The following HAUS7 variants were observed in gnomAD, a reference collection of about 807,000 sequenced individuals.
HAUS7 encodes the protein HAUS augmin-like complex subunit 7.
In HAUS7, 3 loss-of-function variants were observed where a neutral mutation model predicts 28.4. The observed-to-expected ratio is 0.11, with a 90% CI of 0.05 to 0.27. HAUS7 has a LOEUF of 0.27. Among genes scored for constraint, HAUS7 ranks in the 10% least tolerant of loss-of-function variants. The probability of loss-of-function intolerance (pLI) is 1.00; values close to 1 mark genes in which losing one functional copy is unlikely to be tolerated. For missense variants in HAUS7, 284 were observed against 297.3 expected (o/e 0.96, Z 0.33); for synonymous variants, 165 against 132.1 (o/e 1.25, Z -1.71).
At chrX:153,481,528 G>A in intron 1 of HAUS7, 1 of 756,473 alleles carries the variant, frequency 1.3e-6, no homozygotes, top group Non-Finnish European at 1.6e-6. Flanking sequence ...CACCCAGCAG[G>A]CCATGCCCTC....
intron 3 of HAUS7, among the ~76,000 whole-genome samples, chrX:153,464,233 G>C (rs1231683821): frequency 8.9e-6 from 1 of 112,486 alleles, no homozygotes; most frequent in Non-Finnish European, 1.9e-5. Context: ...GGCTGGGTCG[G>C]GTCACACATG....
chrX:153,460,898 A>T (rs2089381145), intron 4 of HAUS7, among the ~76,000 whole-genome samples: 1 of 112,655 alleles, frequency 8.9e-6, no homozygotes, highest in African/African-American at 3.2e-5. Context: ...GAAAGTATCC[A>T]AAAGACAGTG....
Position 153,454,653 on chromosome X carries a change from G to A in HAUS7, c.931-145C>T, listed in dbSNP as rs1430886656. 3 of 488,969 alleles carry A rather than the reference G, an allele frequency of 6.1e-6. No individual in the cohort carries two copies. The Admixed American group carries it at 9.8e-5, about 16-fold the overall frequency. The allele number at this position is 488,969 out of a possible 1,213,427, so 40.3% of individuals were successfully genotyped here. A position where few individuals can be genotyped will look rare whatever the true frequency, so the allele number is the denominator to read the frequency against. ...GCATTCACCTGAAAGACAGCCAAGG[G>A]TGAGGGACAGAACTCCCAGCGGGGA... On this transcript the variant is annotated intron_variant, in intron 8 of 9. Transcript: ENST00000370211.
chrX:153,484,348 A>G (rs1258897247), intron 1 of HAUS7, among the ~76,000 whole-genome samples: 1 of 112,274 alleles, frequency 8.9e-6, no homozygotes, highest in Non-Finnish European at 1.9e-5. Context: ...GCCACTCTTC[A>G]CCTCATTCCA....
At chrX:153,458,668 CAG>C (rs1353352969) in intron 4 of HAUS7, among the ~76,000 whole-genome samples, 1 of 112,014 alleles carries the variant, frequency 8.9e-6, no homozygotes, top group African/African-American at 3.2e-5. Flanking sequence ...CAGGAACTGC[CAG>C]ACTTTTCCAT....
At chrX:153,458,515 C>G (rs2089345558) in intron 4 of HAUS7, among the ~76,000 whole-genome samples, 1 of 112,813 alleles carries the variant, frequency 8.9e-6, no homozygotes, top group Non-Finnish European at 1.9e-5. Flanking sequence ...CATTTGGGCT[C>G]TTTCCACTTT....
In HAUS7 at chrX:153,455,725, G is replaced by A. The variant is rs376803672; in HGVS notation, c.747C>T (p.Ala249=). The change falls in exon 8 of 10, where the codon GCC becomes GCT. Residue 249 remains alanine, a synonymous_variant. Transcript: ENST00000370211. ...QHEQGAAAGA[A]DISTLDQKLR... ...GCTTCTGGTCTAGGGTGCTGATGTC[G>A]GCTGCGCCCGCAGCAGCCCCTTGCT... 25 of 1,200,308 alleles carry A rather than the reference G, an allele frequency of 2.1e-5. No individual in the cohort carries two copies. Among genetic ancestry groups the A allele is most frequent in the Admixed American group, 6.5e-5 (3 of 45,899 alleles).
chrX:153,455,895 C>G, intron 7 of HAUS7, 129 bp from the exon 8 acceptor site: 1 of 464,505 alleles, frequency 2.2e-6, no homozygotes, highest in Non-Finnish European at 3.7e-6. Flanking sequence ...CACAGGGGAG[C>G]TGTACCGAGC....
upstream of HAUS7, among the ~76,000 whole-genome samples, chrX:153,475,508 A>C (rs782428234): frequency 8.9e-6 from 1 of 112,408 alleles, no homozygotes; most frequent in Non-Finnish European, 1.9e-5. Context: ...TTTCAGTAGC[A>C]TTAAAATAAG....
At chrX:153,456,763 C>T (rs2089318209) in intron 5 of HAUS7, 112 bp from the exon 6 acceptor site, 1 of 592,832 alleles carries the variant, frequency 1.7e-6, no homozygotes, top group Admixed American at 3.9e-5. Context: ...GCACAGAGGC[C>T]AGGACAAGCC....
chrX:153,463,990 A>G (rs782366973), intron 3 of HAUS7, among the ~76,000 whole-genome samples: 38 of 112,504 alleles, frequency 3.4e-4, no homozygotes, highest in Non-Finnish European at 5.5e-4. Context: ...AGTGGAACTC[A>G]CTGCTGCACC....
chrX:153,485,900 A>G (rs782740674), intron 1 of HAUS7: 123 of 939,884 alleles, frequency 1.3e-4, no homozygotes, highest in Non-Finnish European at 1.6e-4. Flanking sequence ...GTTCGCGCAC[A>G]TGAAGCCAGG....
intron 9 of HAUS7, among the ~76,000 whole-genome samples, chrX:153,448,508 C>T (rs1556980566): frequency 9.2e-6 from 1 of 109,058 alleles, no homozygotes. Context: ...CTAACCTGCA[C>T]GTTGTGCACA....
rs1556982235 is a variant in HAUS7 at position 153,456,514 on chromosome X, T to G, written c.584A>C (p.Lys195Thr). The part of the protein sequence containing the change: ...WPLDMQPLLN[K>T]QSDDWQWASA... ...GTACCACTGCCAGTCATCACTCTGCTTGTTGAGGAGGGGCTGCATGTCCAG... is the reference window on the plus strand; with the variant it reads ...GTACCACTGCCAGTCATCACTCTGCGTGTTGAGGAGGGGCTGCATGTCCAG... Residue 195 changes from lysine (K) to threonine (T), a missense_variant, in exon 6 of 10, where the codon AAG becomes ACG. By Grantham distance (78) the Lys-to-Thr change is moderately conservative. Transcript: ENST00000370211. The G allele has an allele frequency of 8.5e-7, 1 of 1,179,942 alleles. No individual in the cohort carries two copies. The highest frequency in any genetic ancestry group is 1.1e-6 in the Non-Finnish European group (1 of 879,513).
intron 1 of HAUS7, chrX:153,483,299 C>T (rs2089613274): frequency 1.3e-6 from 1 of 754,691 alleles, no homozygotes; most frequent in Non-Finnish European, 1.6e-6. Context: ...CTGACCCCGA[C>T]CCTAGGAGCT....
chrX:153,470,527 C>T lies in HAUS7; in HGVS notation c.31G>A (p.Gly11Ser). 2 of 1,198,874 alleles carry T rather than the reference C, an allele frequency of 1.7e-6. No homozygotes were observed. The highest frequency in any genetic ancestry group is 2.2e-6 in the Non-Finnish European group (2 of 889,214). ...TCGTCCTCTGAGTAGTCGTCGCCGCCACGGCCGCAGCCAGCGTCCTGCCCC... is the reference window on the plus strand; with the variant it reads ...TCGTCCTCTGAGTAGTCGTCGCCGCTACGGCCGCAGCCAGCGTCCTGCCCC... MAGQDAGCGR[G>S]GDDYSEDEGD... Residue 11 changes from glycine to serine, a missense_variant, in exon 1 of 10, where the codon GGC (glycine) becomes AGC (serine). Physicochemically the swap from Gly to Ser is moderately conservative, Grantham distance 56. Coordinates refer to ENST00000370211, the MANE Select transcript of HAUS7 (RefSeq NM_001385482.1).
chrX:153,454,320 G>T, intron 9 of HAUS7, 74 bp downstream of exon 9: 1 of 616,985 alleles, frequency 1.6e-6, no homozygotes, highest in South Asian at 2.3e-5. Flanking sequence ...CTCCTCCAGG[G>T]CTAGTGGAGC....
rs371637396 is a variant in HAUS7, at chrX:153,454,511, G to GGGGAGGGAGGGA, written c.931-15_931-4dup. ...ACTGCCATGACCACTTGCAGCAGCT[G>GGGGAGGGAGGGA]GGGAGGGAGGGAGGGAGGGAGGGAG... On this transcript the variant is annotated splice_region_variant and splice_polypyrimidine_tract_variant and intron_variant, in intron 8 of 9. Transcript: ENST00000370211. 2.0e-4 allele frequency: 114 copies of GGGGAGGGAGGGA among 569,186 alleles called. No individual in the cohort carries two copies. In the African/African-American group the frequency reaches 3.0e-3, roughly 15 times the overall value. 46.9% of individuals were successfully genotyped at this position (569,186 alleles called of 1,213,427 possible).
chrX:153,455,902 G>A (rs1556982048), intron 7 of HAUS7, 136 bp from the exon 8 acceptor site: 3 of 457,653 alleles, frequency 6.6e-6, no homozygotes, highest in Admixed American at 3.6e-5. Flanking sequence ...GAGCTGTACC[G>A]AGCGACTCAG....
Sources: gnomAD v4.1 joint callset for allele counts (sites outside exome capture counted in the v4.1 genomes callset) on GRCh38, gnomAD v4.1.1 for gene constraint, MANE v1.5 for transcripts, NCBI Gene and HGNC (gene_info 2026-07-23, HGNC 2026-07-21) for gene names.